The following LHFPL1 variants were observed in gnomAD, a reference collection of about 807,000 sequenced individuals.
LHFPL1 encodes LHFPL tetraspan subfamily member 1.
A neutral mutation model predicts 12.1 loss-of-function variants in LHFPL1; 4 were observed. That is an observed-to-expected ratio of 0.33 (90% CI 0.16 to 0.76). The LOEUF is 0.76. LHFPL1 is among the 30% of genes least tolerant of loss of function. The probability of loss-of-function intolerance (pLI) is 0.61; values close to 1 mark genes in which losing one functional copy is unlikely to be tolerated. For synonymous variants in LHFPL1, 52 were observed against 61.9 expected (o/e 0.84, Z 0.75); for missense variants, 141 against 174.1 (o/e 0.81, Z 1.07).
intron 3 of LHFPL1, among the ~76,000 whole-genome samples, chrX:112,653,746 C>T (rs989826143): frequency 3.6e-5 from 4 of 112,095 alleles, no homozygotes; most frequent in African/African-American, 1.3e-4. Flanking sequence ...ATCTCAGGAA[C>T]ATTCTCATCA....
intron 3 of LHFPL1, among the ~76,000 whole-genome samples, chrX:112,643,394 A>AAG (rs1556053990): frequency 2.8e-5 from 3 of 109,076 alleles, no homozygotes; most frequent in East Asian, 2.8e-4. Context: ...AAAAAAAAAA[A>AAG]AAAAAGAAAA....
chrX:112,676,105 G>A (rs1172657277), intron 1 of LHFPL1, among the ~76,000 whole-genome samples: 2 of 112,061 alleles, frequency 1.8e-5, no homozygotes, highest in African/African-American at 6.5e-5. Flanking sequence ...GGACAGTGAA[G>A]TGTATTCTAG....
intron 2 of LHFPL1, among the ~76,000 whole-genome samples, chrX:112,662,616 A>G (rs1931221848): frequency 8.9e-6 from 1 of 112,502 alleles, no homozygotes; most frequent in Non-Finnish European, 1.9e-5. Flanking sequence ...ACAATGACCA[A>G]TTAAGGTTAG....
chrX:112,655,478 G>A (rs1930970919), intron 3 of LHFPL1, among the ~76,000 whole-genome samples: 1 of 112,113 alleles, frequency 8.9e-6, no homozygotes, highest in African/African-American at 3.2e-5. Flanking sequence ...ATAGGTTGAA[G>A]ACATGAATGT....
intron 2 of LHFPL1, among the ~76,000 whole-genome samples, chrX:112,669,172 C>T (rs181365595): frequency 8.9e-6 from 1 of 112,790 alleles, no homozygotes; most frequent in South Asian, 3.7e-4. Context: ...CAGCCAGGCA[C>T]GGAACTGGGC....
At chrX:112,652,915 T>C (rs1930895979) in intron 3 of LHFPL1, among the ~76,000 whole-genome samples, 1 of 112,008 alleles carries the variant, frequency 8.9e-6, no homozygotes, top group Admixed American at 9.5e-5. Context: ...ATACAACATT[T>C]TTAAGACCTC....
chrX:112,631,233 G>T lies in LHFPL1; in HGVS notation c.*187C>A, dbSNP rs993062896. The T allele has an allele frequency of 6.4e-5, 23 of 356,783 alleles. No homozygotes were observed. The highest frequency in any genetic ancestry group is 4.7e-4 in the South Asian group (5 of 10,715). 29.4% of individuals were successfully genotyped at this position (356,783 alleles called of 1,213,427 possible). On this transcript the variant is annotated 3_prime_UTR_variant, in exon 4 of 4. Transcript: ENST00000371968. ...AATGTCTGAGAATGTTTCCTCTGAT[G>T]AATTTTATAAACAGCCAGTGACCTA...
In LHFPL1 at chrX:112,631,421, C is replaced by T; in HGVS notation, c.662G>A (p.Ter221=). The change falls in exon 4 of 4, where the codon TGA becomes TAA. Residue 221 remains the stop codon, a stop_retained_variant. Transcript: ENST00000371968. ...AMELDHCLKP[*] is the part of the protein sequence containing the mutation. Reference sequence around the variant, plus strand: ...CCCTCTCCAATCTTCTTTCAAAGCTCAAGGTTTGAGGCAATGGTCAAGCTC... The same window carrying T: ...CCCTCTCCAATCTTCTTTCAAAGCTTAAGGTTTGAGGCAATGGTCAAGCTC... 1 of 1,199,225 alleles carries T rather than the reference C, an allele frequency of 8.3e-7. No individual in the cohort carries two copies. The highest frequency in any genetic ancestry group is 1.1e-6 in the Non-Finnish European group (1 of 886,957).
At chrX:112,642,209 A>G (rs1446985745) in intron 3 of LHFPL1, among the ~76,000 whole-genome samples, 1 of 104,023 alleles carries the variant, frequency 9.6e-6, no homozygotes, top group East Asian at 3.2e-4. Context: ...ACTAATAACA[A>G]TAGTAATACT....
intron 3 of LHFPL1, among the ~76,000 whole-genome samples, chrX:112,649,033 T>C (rs1183573814): frequency 1.8e-5 from 2 of 112,265 alleles, no homozygotes; most frequent in Non-Finnish European, 3.8e-5. Flanking sequence ...AATGAACCCA[T>C]ATTTAAAATT....
intron 1 of LHFPL1, among the ~76,000 whole-genome samples, chrX:112,679,210 T>G (rs1209510381): frequency 9.0e-6 from 1 of 111,696 alleles, no homozygotes; most frequent in African/African-American, 3.3e-5. Context: ...ATGAAACCAC[T>G]TGGCCAAGTG....
At position 112,660,653 on chromosome X, in the gene LHFPL1, C is replaced by T. The variant is rs147016809; in HGVS notation, c.455G>A (p.Gly152Glu). The change falls in exon 3 of 4, where the codon GGG becomes GAG. Residue 152 changes from glycine to glutamate, a missense_variant. Gly to Glu is a moderately conservative substitution (Grantham distance 98, BLOSUM62 -2). Transcript: ENST00000371968. The part of the protein sequence containing the change: ...WNSPEIMQTC[G>E]NVSNQFQLGT... ...TAACTGAAATTGATTGGAGACATTC[C>T]CACATGTTTGCATTATCTCCGGGCT... is the stretch of plus-strand genomic sequence containing the variant. 102 of 1,208,931 alleles carry T rather than the reference C, an allele frequency of 8.4e-5. 1 individual carries two copies. Among genetic ancestry groups the T allele is most frequent in the Non-Finnish European group, 1.8e-5 (16 of 894,095 alleles).
At chrX:112,631,914 A>G (rs1371075572) in intron 3 of LHFPL1, among the ~76,000 whole-genome samples, 2 of 111,840 alleles carry the variant, frequency 1.8e-5, no homozygotes, top group East Asian at 2.8e-4. Flanking sequence ...ATAAGATGTC[A>G]AGCATTATGC....
Position 112,633,108 on chromosome X carries a change from A to AT in LHFPL1, c.482-1508dup, listed in dbSNP as rs200509152. On this transcript the variant is annotated intron_variant, in intron 3 of 3. Transcript: ENST00000371968. ...ATTGGGAGAAAGATTTACATTTCAC[A>AT]TTTTTTTATCTGCCCTTTCCTCTCT... Among the ~76,000 whole-genome samples, 3 of 111,916 alleles carry AT rather than the reference A, an allele frequency of 2.7e-5. No homozygotes were observed. In the East Asian group the frequency reaches 8.5e-4, roughly 32 times the overall value.
intron 3 of LHFPL1, among the ~76,000 whole-genome samples, chrX:112,646,793 G>A (rs113170941): frequency 0.041 from 4,598 of 110,800 alleles, 89 homozygotes; most frequent in Middle Eastern, 0.079. Flanking sequence ...TACTTTCCAT[G>A]ATGTTTCAGA....
At position 112,671,163 on chromosome X, in the gene LHFPL1, G is replaced by A. The variant is rs1310501399; in HGVS notation, c.228C>T (p.Ile76=). Residue 76 remains isoleucine, a synonymous_variant, in exon 2 of 4, where the codon ATC becomes ATT. Coordinates refer to ENST00000371968, the MANE Select transcript of LHFPL1 (RefSeq NM_178175.4). ...TGCACATCTGCCAGGCCAGGCTTGG[G>A]ATGGCATTGAAGCTGGCATAGCGCC... is the stretch of plus-strand genomic sequence containing the variant. ...ECGRYASFNA[I]PSLAWQMCTV... is the part of the protein sequence containing the mutation. 8.2e-7 allele frequency: 1 copy of A among 1,212,148 alleles called. No individual in the cohort carries two copies. Among genetic ancestry groups the A allele is most frequent in the Non-Finnish European group, 1.1e-6 (1 of 895,569 alleles).
chrX:112,639,208 G>A (rs1167978145), intron 3 of LHFPL1, among the ~76,000 whole-genome samples: 2 of 89,517 alleles, frequency 2.2e-5, no homozygotes, highest in African/African-American at 8.9e-5. Flanking sequence ...AAAGCTATGA[G>A]AACATCTCTC....
At position 112,649,978 on chromosome X, in the gene LHFPL1, GA is replaced by G. The variant is rs35226600; in HGVS notation, c.481+10648del. 4.7e-3 allele frequency among the ~76,000 whole-genome samples: 377 copies of G among 80,546 alleles called. 1 individual carries two copies. Among genetic ancestry groups the G allele is most frequent in the African/African-American group, 0.012 (186 of 16,042 alleles). The allele number at this position is 80,546 out of a possible 115,157, so 69.9% of individuals were successfully genotyped here. A position where few individuals can be genotyped will look rare whatever the true frequency, so the allele number is the denominator to read the frequency against. On this transcript the variant is annotated intron_variant, in intron 3 of 3. Coordinates refer to ENST00000371968, the MANE Select transcript of LHFPL1 (RefSeq NM_178175.4). ...AACAAATAAACATCTAGTTTTTTGTGAAAAAAAAAAAAGTATATAGCTTCTC... is the reference window on the plus strand; with the variant it reads ...AACAAATAAACATCTAGTTTTTTGTGAAAAAAAAAAAGTATATAGCTTCTC...
intron 3 of LHFPL1, among the ~76,000 whole-genome samples, chrX:112,648,030 T>C (rs1347197964): frequency 9.0e-6 from 1 of 110,963 alleles, no homozygotes; most frequent in Non-Finnish European, 1.9e-5. Flanking sequence ...TGCAGGGACA[T>C]GGGTGAAGCT....
Sources: allele counts gnomAD v4.1 joint callset (sites outside exome capture counted in the v4.1 genomes callset), GRCh38; gene constraint gnomAD v4.1.1; transcripts MANE v1.5; gene names NCBI Gene and HGNC (gene_info 2026-07-23, HGNC 2026-07-21).